OSBPL1A: variants seen among roughly 807,000 people sequenced by gnomAD.
The protein encoded by OSBPL1A is oxysterol binding protein like 1A, also known as oxysterol-binding protein-related protein 1.
Under a neutral mutation model 137.1 loss-of-function variants are expected in OSBPL1A, and 80 were observed. That is an observed-to-expected ratio of 0.58 (90% CI 0.49 to 0.70). The LOEUF (loss-of-function observed/expected upper bound fraction) is 0.70, where lower values mean the gene tolerates loss of function less well. Ranked by LOEUF, OSBPL1A falls within the 30% of genes least tolerant of loss-of-function variation. The probability of loss-of-function intolerance (pLI) is 0.00; values close to 1 mark genes in which losing one functional copy is unlikely to be tolerated. For synonymous variants in OSBPL1A, 365 were observed against 389.7 expected (o/e 0.94, Z 0.75); for missense variants, 970 against 1,129.4 (o/e 0.86, Z 2.02).
chr18:24,219,605 C>G (rs939536954), intron 17 of OSBPL1A, among the ~76,000 whole-genome samples: 5 of 152,104 alleles, frequency 3.3e-5, no homozygotes, highest in Non-Finnish European at 7.4e-5. Flanking sequence ...CTCATCTAGA[C>G]TAGATGAGAA....
At chr18:24,173,203 C>A (rs1260797842) in intron 21 of OSBPL1A, among the ~76,000 whole-genome samples, 1 of 152,060 alleles carries the variant, frequency 6.6e-6, no homozygotes, top group Non-Finnish European at 1.5e-5. Context: ...ATGATGTGAA[C>A]TCATGAACAC....
chr18:24,379,361 A>T (rs1349099476), intron 1 of OSBPL1A, among the ~76,000 whole-genome samples: 1 of 152,064 alleles, frequency 6.6e-6, no homozygotes, highest in Non-Finnish European at 1.5e-5. Flanking sequence ...CTCTACTAAA[A>T]ACACAAAAAT....
intron 14 of OSBPL1A, among the ~76,000 whole-genome samples, chr18:24,294,537 T>C (rs1404554160): frequency 6.6e-6 from 1 of 151,932 alleles, no homozygotes; most frequent in Non-Finnish European, 1.5e-5. Flanking sequence ...CCCGGTCCAA[T>C]ATGTAGATTT....
chr18:24,265,667 T>G (rs535841369), intron 15 of OSBPL1A, among the ~76,000 whole-genome samples: 5 of 151,956 alleles, frequency 3.3e-5, no homozygotes, highest in Non-Finnish European at 7.4e-5. Context: ...AGCAAATAAT[T>G]AGGCAAAAGA....
intron 16 of OSBPL1A, 96 bp from the exon 17 acceptor site, chr18:24,225,294 T>C: frequency 1.5e-6 from 2 of 1,317,146 alleles, no homozygotes; most frequent in Non-Finnish European, 2.1e-6. Flanking sequence ...CTTTGAAACC[T>C]AAGCAGCCTA....
chr18:24,247,591 G>A (rs1309892931), intron 15 of OSBPL1A, among the ~76,000 whole-genome samples: 2 of 152,152 alleles, frequency 1.3e-5, no homozygotes, highest in South Asian at 2.1e-4. Flanking sequence ...GCCTCCCAAG[G>A]AGCTGGGACT....
At chr18:24,217,666 C>T (rs10048382) in intron 17 of OSBPL1A, among the ~76,000 whole-genome samples, 4,149 of 152,280 alleles carry the variant, frequency 0.027, 174 homozygotes, top group African/African-American at 0.094. Context: ...CAATGATCAA[C>T]CACTAAATCA....
intron 4 of OSBPL1A, among the ~76,000 whole-genome samples, chr18:24,363,149 C>T (rs547090683): frequency 2.0e-5 from 3 of 152,294 alleles, no homozygotes; most frequent in Admixed American, 2.0e-4. Context: ...AGCTTTCTAC[C>T]GCTGCTATAA....
intron 17 of OSBPL1A, among the ~76,000 whole-genome samples, chr18:24,209,862 G>A (rs2087481211): frequency 6.6e-6 from 1 of 152,184 alleles, no homozygotes; most frequent in African/African-American, 2.4e-5. Flanking sequence ...GCTGTCTACG[G>A]AGAGTGGGGG....
At chr18:24,341,857 C>T (rs2091279345) in intron 4 of OSBPL1A, among the ~76,000 whole-genome samples, 199 bp from the exon 5 acceptor site, 1 of 152,142 alleles carries the variant, frequency 6.6e-6, no homozygotes, top group South Asian at 2.1e-4. Context: ...AATTGCCAAT[C>T]CACAATTGAT....
intron 13 of OSBPL1A, among the ~76,000 whole-genome samples, chr18:24,311,020 C>G (rs1424114995): frequency 6.6e-6 from 1 of 152,084 alleles, no homozygotes; most frequent in Non-Finnish European, 1.5e-5. Flanking sequence ...AGGCTTTAAA[C>G]CAGAGGTAGT....
chr18:24,326,194 G>T (rs2090976457), intron 7 of OSBPL1A, among the ~76,000 whole-genome samples: 1 of 152,226 alleles, frequency 6.6e-6, no homozygotes, highest in South Asian at 2.1e-4. Context: ...TCCATAAGGT[G>T]AGCCATGATG....
intron 14 of OSBPL1A, 101 bp from the exon 15 acceptor site, chr18:24,281,049 A>G (rs1451015224): frequency 3.0e-6 from 2 of 657,784 alleles, no homozygotes; most frequent in Non-Finnish European, 4.8e-6. Context: ...TCATCTTTCC[A>G]TCTAGCTATC....
At chr18:24,322,223 C>A (rs2090876253) in intron 7 of OSBPL1A, among the ~76,000 whole-genome samples, 1 of 150,866 alleles carries the variant, frequency 6.6e-6, no homozygotes, top group Admixed American at 6.6e-5. Flanking sequence ...TATTCTCCTG[C>A]CTCAGCCTCC....
At chr18:24,289,418 G>GTTTTTTTTTTTTT (rs536281272) in intron 14 of OSBPL1A, among the ~76,000 whole-genome samples, 3 of 94,206 alleles carry the variant, frequency 3.2e-5, no homozygotes, top group Non-Finnish European at 5.9e-5. Flanking sequence ...GTTTTTTCCT[G>GTTTTTTTTTTTTT]TTTTTTTTTT....
chr18:24,279,956 A>ATT (rs144544349), intron 15 of OSBPL1A, among the ~76,000 whole-genome samples: 6 of 150,726 alleles, frequency 4.0e-5, no homozygotes, highest in Non-Finnish European at 5.9e-5. Context: ...TCTCTGGCTG[A>ATT]TTTTTTTTTG....
intron 3 of OSBPL1A, chr18:24,367,535 T>G (rs2091720526): frequency 6.6e-6 from 1 of 151,176 alleles, no homozygotes; most frequent in African/African-American, 2.4e-5. Flanking sequence ...CTCCAGTATT[T>G]GGGGGACTGA....
intron 2 of OSBPL1A, among the ~76,000 whole-genome samples, chr18:24,372,056 G>C (rs973095838): frequency 6.6e-6 from 1 of 151,940 alleles, no homozygotes; most frequent in Non-Finnish European, 1.5e-5. Context: ...CGGATAGACT[G>C]ATTGAGGTCA....
chr18:24,166,750 C>G (rs2086153973), intron 25 of OSBPL1A, 48 bp from the exon 26 acceptor site: 1 of 1,558,380 alleles, frequency 6.4e-7, no homozygotes, highest in African/African-American at 1.4e-5. Flanking sequence ...AGGCATAATG[C>G]AAAATGAAAC....
Sources: allele counts gnomAD v4.1 joint callset (sites outside exome capture counted in the v4.1 genomes callset), GRCh38; gene constraint gnomAD v4.1.1; transcripts MANE v1.5; gene names NCBI Gene and HGNC (gene_info 2026-07-23, HGNC 2026-07-21).